WDR35: variants seen among roughly 807,000 people sequenced by gnomAD.
WDR35 encodes WD repeat-containing protein 35.
Under a neutral mutation model 158.3 loss-of-function variants are expected in WDR35, and 118 were observed. The observed-to-expected ratio is 0.75, with a 90% CI of 0.64 to 0.87. WDR35 has a LOEUF of 0.87. Among genes scored for constraint, WDR35 ranks in the 40% least tolerant of loss-of-function variants. WDR35 has a pLI of 0.00. For synonymous variants in WDR35, 448 were observed against 476.1 expected (o/e 0.94, Z 0.77); for missense variants, 1,263 against 1,405.8 (o/e 0.90, Z 1.62).
rs769664532 is a variant in WDR35, at chr2:19,931,313, T to A, written c.2920A>T (p.Met974Leu). The change falls in exon 24 of 27, where the codon ATG becomes TTG. Residue 974 changes from methionine to leucine, a missense_variant. By Grantham distance (15) the Met-to-Leu change is conservative (BLOSUM62 2). Transcript: ENST00000281405. Reference protein sequence around the residue: ...ALLIEQYHEQMKNAQRGKVKG... With the variant: ...ALLIEQYHEQLKNAQRGKVKG... Reference sequence around the variant, plus strand: ...ACTTTTCCTCGCTGGGCATTCTTCATCTGTTCATGGTATTGCTCTATAAGT... The same window carrying A: ...ACTTTTCCTCGCTGGGCATTCTTCAACTGTTCATGGTATTGCTCTATAAGT... The A allele has an allele frequency of 1.9e-6, 3 of 1,613,460 alleles. No individual in the cohort carries two copies. The highest frequency in any genetic ancestry group is 2.5e-6 in the Non-Finnish European group (3 of 1,179,718).
At chr2:19,964,134 A>T (rs1479451326) in intron 10 of WDR35, among the ~76,000 whole-genome samples, 1 of 152,182 alleles carries the variant, frequency 6.6e-6, no homozygotes, top group Non-Finnish European at 1.5e-5. Flanking sequence ...AATGCCACTT[A>T]TGATCCTTGA....
intron 21 of WDR35, among the ~76,000 whole-genome samples, chr2:19,933,981 A>G (rs1034982701): frequency 1.1e-4 from 17 of 151,886 alleles, no homozygotes; most frequent in Non-Finnish European, 2.9e-5. Flanking sequence ...AGGAAGCTAG[A>G]CCCAAAACAG....
Position 19,913,302 on chromosome 2 carries a change from G to T in WDR35, c.*256C>A. ...CATGGTATCATGTAACCAAAAACAA[G>T]ATAAACAAAAGAGAGAGGGTGAGAG... On this transcript the variant is annotated 3_prime_UTR_variant, in exon 27 of 27. Transcript: ENST00000281405. 2.6e-6 allele frequency: 1 copy of T among 379,800 alleles called. No homozygotes were observed. The highest frequency in any genetic ancestry group is 3.7e-5 in the South Asian group (1 of 27,074). The allele number at this position is 379,800 out of a possible 1,614,324, so 23.5% of individuals were successfully genotyped here. A position where few individuals can be genotyped will look rare whatever the true frequency, so the allele number is the denominator to read the frequency against.
At chr2:19,967,056 A>G in intron 9 of WDR35, 147 bp from the exon 10 acceptor site, 2 of 733,470 alleles carry the variant, frequency 2.7e-6, no homozygotes, top group South Asian at 3.7e-5. Flanking sequence ...CTTCAGAAAT[A>G]GAAGACAGAT....
At chr2:19,983,495 G>T (rs903246046) in intron 2 of WDR35, among the ~76,000 whole-genome samples, 1 of 152,150 alleles carries the variant, frequency 6.6e-6, no homozygotes, top group African/African-American at 2.4e-5. Context: ...ATCCTACAGA[G>T]AATATTAAAA....
chr2:19,956,471 C>T (rs1230258038), intron 11 of WDR35, among the ~76,000 whole-genome samples: 2 of 152,098 alleles, frequency 1.3e-5, no homozygotes, highest in African/African-American at 4.8e-5. Context: ...TTTGTTCTCT[C>T]AGTTTACTTA....
At chr2:19,968,747 A>C (rs1460037153) in intron 9 of WDR35, among the ~76,000 whole-genome samples, 1 of 152,192 alleles carries the variant, frequency 6.6e-6, no homozygotes, top group Non-Finnish European at 1.5e-5. Context: ...TTTTTATAAC[A>C]AATAGTTTAC....
intron 25 of WDR35, among the ~76,000 whole-genome samples, chr2:19,919,387 AAAAAAAAAAAAG>A (rs1216427533): frequency 1.4e-5 from 2 of 142,720 alleles, no homozygotes; most frequent in African/African-American, 2.5e-5. Context: ...TCTCAAAAAA[AAAAAAAAAAAAG>A]AAAAGAAAAA....
At chr2:19,960,755 T>A in intron 10 of WDR35, 141 bp from the exon 11 acceptor site, 1 of 654,924 alleles carries the variant, frequency 1.5e-6, no homozygotes, top group Non-Finnish European at 2.6e-6. Context: ...GTGCAAAAAA[T>A]AGCAGACAAA....
intron 16 of WDR35, among the ~76,000 whole-genome samples, 188 bp from the exon 17 acceptor site, chr2:19,942,027 A>T (rs942643040): frequency 1.3e-5 from 2 of 152,212 alleles, no homozygotes; most frequent in African/African-American, 4.8e-5. Context: ...TCTTGGCTGA[A>T]GTATTGTAAA....
chr2:19,915,219 C>A, intron 25 of WDR35, among the ~76,000 whole-genome samples: 1 of 151,954 alleles, frequency 6.6e-6, no homozygotes, highest in East Asian at 1.9e-4. Context: ...CTTCATAAAA[C>A]CAGTTTAAAC....
In WDR35 at chr2:19,975,487, A is replaced by G. The variant is rs1370803209; in HGVS notation, c.570+43T>C. The G allele has an allele frequency of 1.9e-6, 3 of 1,583,968 alleles. No homozygotes were observed. In the South Asian group the frequency reaches 3.4e-5, roughly 18 times the overall value. On this transcript the variant is annotated intron_variant, in intron 6 of 26. Coordinates refer to ENST00000281405, the MANE Select transcript of WDR35 (RefSeq NM_020779.4). ...AACATGAATGATATGTACGATAATC[A>G]TATAAAATTGTATAAACAAGACTGA...
intron 8 of WDR35, among the ~76,000 whole-genome samples, chr2:19,973,341 G>A (rs1442618771): frequency 6.6e-6 from 1 of 151,680 alleles, no homozygotes; most frequent in Non-Finnish European, 1.5e-5. Context: ...TTAAACTTCT[G>A]GTTTTCTGAA....
chr2:19,925,212 A>G (rs917574440), intron 25 of WDR35, among the ~76,000 whole-genome samples: 1 of 152,220 alleles, frequency 6.6e-6, no homozygotes, highest in Admixed American at 6.5e-5. Context: ...GTCTAGTTTA[A>G]GTTTAAAAGG....
chr2:19,935,324 T>C, intron 21 of WDR35, 147 bp downstream of exon 21: 7 of 823,958 alleles, frequency 8.5e-6, no homozygotes, highest in Non-Finnish European at 1.3e-5. Flanking sequence ...TATATTACTT[T>C]ATAATTAAAA....
intron 11 of WDR35, 101 bp from the exon 12 acceptor site, chr2:19,954,079 A>G: frequency 2.3e-6 from 3 of 1,296,796 alleles, no homozygotes; most frequent in African/African-American, 1.5e-5. Context: ...CCCTCATTTT[A>G]TAGACAATAT....
chr2:19,914,403 T>C, intron 25 of WDR35, 126 bp from the exon 26 acceptor site: 2 of 1,239,816 alleles, frequency 1.6e-6, no homozygotes, highest in Admixed American at 1.9e-5. Flanking sequence ...GCAAACAGTG[T>C]TGAGAGATGG....
intron 2 of WDR35, among the ~76,000 whole-genome samples, chr2:19,987,004 A>G (rs1159388800): frequency 1.3e-5 from 2 of 152,276 alleles, no homozygotes; most frequent in African/African-American, 4.8e-5. Context: ...GGAGACACCT[A>G]AATGTCCAAT....
chr2:19,937,715 CAG>C (rs1345426833), intron 19 of WDR35, 26 bp downstream of exon 19: 1 of 1,613,834 alleles, frequency 6.2e-7, no homozygotes, highest in East Asian at 2.2e-5. Flanking sequence ...ATAGAGTACT[CAG>C]GGATGCCTGC....
Sources: allele counts gnomAD v4.1 joint callset (sites outside exome capture counted in the v4.1 genomes callset), GRCh38; gene constraint gnomAD v4.1.1; transcripts MANE v1.5; gene names NCBI Gene and HGNC (gene_info 2026-07-23, HGNC 2026-07-21).